Variants in OSBPL10 observed in about 807,000 individuals in gnomAD.
The protein encoded by OSBPL10 is oxysterol-binding protein-related protein 10.
In OSBPL10, 49 loss-of-function variants were observed where a neutral mutation model predicts 81.7. The observed-to-expected ratio is 0.60, with a 90% CI of 0.48 to 0.76. OSBPL10 has a LOEUF of 0.76. OSBPL10 is among the 30% of genes least tolerant of loss of function. The pLI, the probability that OSBPL10 is intolerant of heterozygous loss-of-function variation, is 0.00. For synonymous variants in OSBPL10, 419 were observed against 383.6 expected, an observed-to-expected ratio of 1.09 and a Z score of -1.08; for missense variants, 923 against 987.8, an observed-to-expected ratio of 0.93 and a Z score of 0.88.
At chr3:31,946,542 A>T (rs1441016348) in intron 1 of OSBPL10, among the ~76,000 whole-genome samples, 1 of 152,196 alleles carries the variant, frequency 6.6e-6, no homozygotes, top group Non-Finnish European at 1.5e-5. Context: ...GGGCCCTTGC[A>T]GGCAGATGGC....
chr3:31,668,162 T>G (rs1700243139), intron 10 of OSBPL10, among the ~76,000 whole-genome samples: 1 of 151,944 alleles, frequency 6.6e-6, no homozygotes, highest in Admixed American at 6.5e-5. Flanking sequence ...ATTCATGAAT[T>G]GAAAGCTACT....
intron 1 of OSBPL10, among the ~76,000 whole-genome samples, chr3:32,074,718 C>T (rs1423757346): frequency 6.6e-6 from 1 of 152,162 alleles, no homozygotes; most frequent in African/African-American, 2.4e-5. Context: ...CCGAACCCCT[C>T]CCTCTATGCA....
chr3:31,771,780 A>G (rs1364994526), intron 4 of OSBPL10, among the ~76,000 whole-genome samples: 2 of 152,124 alleles, frequency 1.3e-5, no homozygotes, highest in Admixed American at 1.3e-4. Flanking sequence ...GCTCTGGAAA[A>G]CTTCGTAATT....
At chr3:31,993,100 T>C (rs1306831277) in intron 2 of OSBPL10, among the ~76,000 whole-genome samples, 1 of 152,166 alleles carries the variant, frequency 6.6e-6, no homozygotes, top group Non-Finnish European at 1.5e-5. Context: ...GCAAATCATG[T>C]GTTTGACCAA....
chr3:31,841,768 G>T (rs939818385), intron 3 of OSBPL10, among the ~76,000 whole-genome samples: 1 of 152,050 alleles, frequency 6.6e-6, no homozygotes, highest in African/African-American at 2.4e-5. Context: ...AACAGCCAAC[G>T]GTATTTAGTC....
At chr3:31,731,341 T>C (rs1240201704) in intron 6 of OSBPL10, among the ~76,000 whole-genome samples, 2 of 152,170 alleles carry the variant, frequency 1.3e-5, no homozygotes, top group Non-Finnish European at 2.9e-5. Context: ...AAACAAAATC[T>C]TAACTTGCTC....
chr3:31,747,939 C>T lies in OSBPL10; in HGVS notation c.911G>A (p.Gly304Asp). 1 of 1,613,802 alleles carries T rather than the reference C, an allele frequency of 6.2e-7. No homozygotes were observed. The highest frequency in any genetic ancestry group is 1.1e-5 in the South Asian group (1 of 91,060). ...GGCTCCTGGCTTCTGGCTGGGCTGG[C>T]CCGCCTGGTGCACACTCTGCTGTAA... Reference protein sequence around the residue: ...NLLQQSVHQAGQPSQKPGASE... With the variant: ...NLLQQSVHQADQPSQKPGASE... Residue 304 changes from glycine (G) to aspartate (D), a missense_variant, in exon 5 of 12, where the codon GGC becomes GAC. By Grantham distance (94) the Gly-to-Asp change is moderately conservative. Coordinates refer to ENST00000396556, the MANE Select transcript of OSBPL10 (RefSeq NM_017784.5).
intron 3 of OSBPL10, among the ~76,000 whole-genome samples, chr3:31,832,941 G>A (rs759627005): frequency 6.6e-6 from 1 of 152,210 alleles, no homozygotes; most frequent in Non-Finnish European, 1.5e-5. Flanking sequence ...GGAGTGGGGC[G>A]AGAGCCAGGG....
At chr3:31,899,533 A>G (rs1442371891) in intron 1 of OSBPL10, among the ~76,000 whole-genome samples, 1 of 152,212 alleles carries the variant, frequency 6.6e-6, no homozygotes, top group Non-Finnish European at 1.5e-5. Flanking sequence ...AGATACTGCA[A>G]ATTAAACAGA....
At chr3:31,895,125 CTCTG>C (rs1425607032) in intron 1 of OSBPL10, among the ~76,000 whole-genome samples, 1 of 136,770 alleles carries the variant, frequency 7.3e-6, no homozygotes, top group African/African-American at 3.0e-5. Context: ...TATTAGAATT[CTCTG>C]CGGCCTTTTT....
At chr3:31,988,119 G>C (rs1698962485) in intron 2 of OSBPL10, among the ~76,000 whole-genome samples, 1 of 152,186 alleles carries the variant, frequency 6.6e-6, no homozygotes, top group Admixed American at 6.5e-5. Flanking sequence ...TGATCGCTTT[G>C]CACCTCCTGT....
chr3:31,847,211 T>TAAAA (rs369782801), intron 3 of OSBPL10, among the ~76,000 whole-genome samples: 46,158 of 148,564 alleles, frequency 0.31, 7,560 homozygotes, highest in East Asian at 0.54. Flanking sequence ...TTTTTTTTTT[T>TAAAA]AAAAAGACAG....
At chr3:32,058,880 C>T (rs1699733830) in intron 1 of OSBPL10, among the ~76,000 whole-genome samples, 1 of 152,164 alleles carries the variant, frequency 6.6e-6, no homozygotes, top group Admixed American at 6.5e-5. Context: ...GTAGAGATAG[C>T]TTCTCGCTAT....
intron 4 of OSBPL10, among the ~76,000 whole-genome samples, chr3:31,756,220 T>C (rs1232065395): frequency 6.6e-6 from 1 of 152,198 alleles, no homozygotes; most frequent in Non-Finnish European, 1.5e-5. Flanking sequence ...CCCTTTACAC[T>C]CTGACACATG....
chr3:31,743,046 T>G (rs1014398478), intron 5 of OSBPL10, among the ~76,000 whole-genome samples: 1 of 144,642 alleles, frequency 6.9e-6, no homozygotes, highest in Non-Finnish European at 1.5e-5. Flanking sequence ...TTTTTTTTTT[T>G]TTTTTTTTTT....
intron 4 of OSBPL10, among the ~76,000 whole-genome samples, chr3:31,829,622 A>T (rs1474068691): frequency 6.6e-6 from 1 of 152,150 alleles, no homozygotes; most frequent in African/African-American, 2.4e-5. Context: ...GGGAAGCAGG[A>T]GAGGAGAGAA....
intron 5 of OSBPL10, 90 bp downstream of exon 5, chr3:31,747,820 A>T: frequency 1.5e-6 from 2 of 1,320,350 alleles, no homozygotes; most frequent in Non-Finnish European, 2.2e-6. Flanking sequence ...GATCGTAGAG[A>T]AATGGATGGA....
rs116594893 is a variant in OSBPL10, at chr3:31,891,507, G to A, written c.282-11677C>T. Reference sequence around the variant, plus strand: ...ATTCGCTCTTGCAGTCCATCCCACCGTCTCTGTGCCCAAAGGTCTGCCTGC... The same window carrying A: ...ATTCGCTCTTGCAGTCCATCCCACCATCTCTGTGCCCAAAGGTCTGCCTGC... On this transcript the variant is annotated intron_variant, in intron 1 of 11. Coordinates refer to ENST00000396556, the MANE Select transcript of OSBPL10 (RefSeq NM_017784.5). Among the ~76,000 whole-genome samples the A allele has an allele frequency of 3.3e-3, 500 of 152,236 alleles. 1 individual carries two copies. Among genetic ancestry groups the A allele is most frequent in the Non-Finnish European group, 5.0e-3 (338 of 68,026 alleles).
intron 2 of OSBPL10, among the ~76,000 whole-genome samples, chr3:32,000,162 G>A (rs1178585746): frequency 6.6e-6 from 1 of 151,908 alleles, no homozygotes; most frequent in Non-Finnish European, 1.5e-5. Context: ...GTAAATTAAC[G>A]TTCATTTTCC....
Sources: gnomAD v4.1 joint callset for allele counts (sites outside exome capture counted in the v4.1 genomes callset) on GRCh38, gnomAD v4.1.1 for gene constraint, MANE v1.5 for transcripts, NCBI Gene and HGNC (gene_info 2026-07-23, HGNC 2026-07-21) for gene names.